The following EDN3 variants were observed in gnomAD, a reference collection of about 807,000 sequenced individuals.
EDN3 encodes endothelin 3.
EDN3 carries 9 observed loss-of-function variants against 21.4 expected under a neutral mutation model. That is an observed-to-expected ratio of 0.42 (90% confidence interval 0.25 to 0.73). The LOEUF (loss-of-function observed/expected upper bound fraction) is 0.73. Among genes scored for constraint, EDN3 ranks in the 30% least tolerant of loss-of-function variants. The pLI, the probability that EDN3 is intolerant of heterozygous loss-of-function variation, is 0.26. For missense variants in EDN3, 327 were observed against 309.4 expected, an observed-to-expected ratio of 1.06 and a Z score of -0.43; for synonymous variants, 133 against 126.2, an observed-to-expected ratio of 1.05 and a Z score of -0.36.
At chr20:59,308,509 C>G (rs1475520029) in intron 2 of EDN3, among the ~76,000 whole-genome samples, 1 of 152,202 alleles carries the variant, frequency 6.6e-6, no homozygotes, top group Admixed American at 6.5e-5. Flanking sequence ...AGAGCTCAAA[C>G]TGTGGGCTCG....
At chr20:59,316,422 T>C (rs576673745) in intron 2 of EDN3, among the ~76,000 whole-genome samples, 53 of 152,348 alleles carry the variant, frequency 3.5e-4, no homozygotes, top group Non-Finnish European at 5.9e-4. Context: ...GGGTTTTCAA[T>C]AGGGAATGAC....
rs768226122 is a variant in EDN3, at chr20:59,301,663, C to G, written c.306C>G (p.Tyr102Ter). Reference protein sequence around the residue: ...HRSRRCTCFTYKDKECVYYCH... With the variant: ...HRSRRCTCFT The stretch of plus-strand genomic sequence containing the variant: ...CCAGGCGCTGCACGTGCTTCACCTA[C>G]AAGGACAAGGAGTGTGTCTACTATT... Residue 102 changes from tyrosine (Y) to a stop codon, truncating the protein, a stop_gained, in exon 2 of 5, where the codon TAC becomes TAG. Coordinates refer to ENST00000337938, the MANE Select transcript of EDN3 (RefSeq NM_207034.3). LOFTEE classifies it high-confidence loss of function. 3 of 1,614,114 alleles carry G rather than the reference C, an allele frequency of 1.9e-6. No individual in the cohort carries two copies. The African/African-American group carries it at 4.0e-5, about 22-fold the overall frequency.
In EDN3 at chr20:59,324,718, G is replaced by A. The variant is rs1051847553; in HGVS notation, c.*259G>A. On this transcript the variant is annotated 3_prime_UTR_variant, in exon 5 of 5. Transcript: ENST00000337938. ...CAGCTCCGGTTTCATGCAGGAAATT[G>A]GTTTTGGAGAGTTTTGGCAAGTTGG... The A allele has an allele frequency of 3.7e-6, 2 of 538,932 alleles. No individual in the cohort carries two copies. The highest frequency in any genetic ancestry group is 3.3e-6 in the Non-Finnish European group (1 of 301,570). 33.4% of individuals were successfully genotyped at this position (538,932 alleles called of 1,614,324 possible).
At chr20:59,316,656 T>C (rs1990206603) in intron 2 of EDN3, among the ~76,000 whole-genome samples, 1 of 152,230 alleles carries the variant, frequency 6.6e-6, no homozygotes, top group Admixed American at 6.5e-5. Flanking sequence ...GTTTTCAGTG[T>C]GGTGTTGCAG....
rs538768879 is a variant in EDN3 at position 59,324,540 on chromosome 20, A to C, written c.*81A>C. ...AGTTCAGATTTCCACCTCTTTATAGACAAGAAGTGAATTTGCCTGGGGCAG... is the reference window on the plus strand; with the variant it reads ...AGTTCAGATTTCCACCTCTTTATAGCCAAGAAGTGAATTTGCCTGGGGCAG... On this transcript the variant is annotated 3_prime_UTR_variant, in exon 5 of 5. Coordinates refer to ENST00000337938, the MANE Select transcript of EDN3 (RefSeq NM_207034.3). 1.1e-5 allele frequency: 18 copies of C among 1,597,530 alleles called. No homozygotes were observed. The East Asian group carries it at 4.0e-4, about 36-fold the overall frequency.
rs764393299 is a variant in EDN3 at position 59,325,360 on chromosome 20, G to A, written c.*901G>A. On this transcript the variant is annotated 3_prime_UTR_variant, in exon 5 of 5. Coordinates refer to ENST00000337938, the MANE Select transcript of EDN3 (RefSeq NM_207034.3). The stretch of plus-strand genomic sequence containing the variant: ...TGTAAATTCCTGTTTATATAAATTG[G>A]CAACAACTTATACCGTCTGACAGTT... The A allele has an allele frequency of 3.9e-5, 6 of 152,532 alleles. No homozygotes were observed. Among genetic ancestry groups the A allele is most frequent in the Non-Finnish European group, 7.4e-5 (5 of 68,016 alleles). The allele number at this position is 152,532 out of a possible 1,614,324, so 9.4% of individuals were successfully genotyped here. A position where few individuals can be genotyped will look rare whatever the true frequency, so the allele number is the denominator to read the frequency against.
intron 1 of EDN3, 91 bp downstream of exon 1, chr20:59,300,955 C>A: frequency 3.4e-6 from 5 of 1,463,230 alleles, no homozygotes; most frequent in South Asian, 2.4e-5. Context: ...AGATGTGCGT[C>A]GCGGGGAGCA....
chr20:59,317,491 A>G (rs991651253), intron 2 of EDN3, among the ~76,000 whole-genome samples: 3 of 152,190 alleles, frequency 2.0e-5, no homozygotes, highest in African/African-American at 7.2e-5. Context: ...ACTTTTGTCG[A>G]CCAGGAAGTT....
chr20:59,306,595 TAAAA>T (rs57144708), intron 2 of EDN3, among the ~76,000 whole-genome samples: 6 of 62,458 alleles, frequency 9.6e-5, no homozygotes, highest in African/African-American at 8.3e-5. Context: ...GCATAAAGAG[TAAAA>T]AAAAAAAAAA....
chr20:59,320,554 T>C (rs1335472605), intron 2 of EDN3, among the ~76,000 whole-genome samples: 1 of 152,184 alleles, frequency 6.6e-6, no homozygotes, highest in Non-Finnish European at 1.5e-5. Flanking sequence ...AGATGGTACT[T>C]CCAGAGCCGA....
Position 59,322,753 on chromosome 20 carries a change from G to T in EDN3, c.588+336G>T, listed in dbSNP as rs773785109. ...GCCTGGACAAAGCTAGTCAACCACC[G>T]CTCTCAGAGGCCCTGTAGGCTGCTC... On this transcript the variant is annotated intron_variant, in intron 4 of 4. Transcript: ENST00000337938. The surrounding 1 kb of genome is among the most constrained non-coding windows in gnomAD (Gnocchi z 4.1). Among the ~76,000 whole-genome samples the T allele has an allele frequency of 7.9e-5, 12 of 152,160 alleles. No individual in the cohort carries two copies. Among genetic ancestry groups the T allele is most frequent in the African/African-American group, 2.4e-4 (10 of 41,428 alleles).
chr20:59,303,348 G>A (rs185775789), intron 2 of EDN3, among the ~76,000 whole-genome samples: 113 of 152,316 alleles, frequency 7.4e-4, no homozygotes, highest in African/African-American at 2.4e-3. Flanking sequence ...AGCGAGGGGA[G>A]TCACCTTTCC....
intron 2 of EDN3, among the ~76,000 whole-genome samples, chr20:59,318,791 G>A (rs941715460): frequency 2.0e-5 from 3 of 152,196 alleles, no homozygotes. Context: ...GAGTGTTTTG[G>A]CTCAAGTTGA....
Position 59,310,862 on chromosome 20 carries a change from A to G in EDN3, c.365+9140A>G, listed in dbSNP as rs11570299. ...TTTGCCGAGAGTCAGAAGCAACTAC[A>G]TGAGACAGCAGAGGTCCATGTAACT... On this transcript the variant is annotated intron_variant, in intron 2 of 4. Coordinates refer to ENST00000337938, the MANE Select transcript of EDN3 (RefSeq NM_207034.3). 4.8e-3 allele frequency among the ~76,000 whole-genome samples: 724 copies of G among 152,188 alleles called. 23 individuals are homozygous for G. The highest frequency in any genetic ancestry group is 0.042 in the Admixed American group (648 of 15,290).
At position 59,322,506 on chromosome 20, in the gene EDN3, G is replaced by T. The variant is rs1011440459; in HGVS notation, c.588+89G>T. 1.3e-6 allele frequency: 2 copies of T among 1,560,852 alleles called. No homozygotes were observed. The highest frequency in any genetic ancestry group is 1.8e-6 in the Non-Finnish European group (2 of 1,134,276). On this transcript the variant is annotated intron_variant, in intron 4 of 4. Coordinates refer to ENST00000337938, the MANE Select transcript of EDN3 (RefSeq NM_207034.3). This position sits in a 1 kb window ranked among gnomAD's most constrained non-coding sequence, Gnocchi z 4.1. ...GGGTGGGTGGAGGGTGTTTTGAGGG[G>T]ATGGCATCTGGTCTGGTCCAGTGGG...
chr20:59,310,439 G>A (rs756429647), intron 2 of EDN3, among the ~76,000 whole-genome samples: 6 of 152,136 alleles, frequency 3.9e-5, no homozygotes, highest in African/African-American at 1.2e-4. Flanking sequence ...TTGTTTGTCC[G>A]CATAGTTTTG....
In EDN3 at chr20:59,322,559, C is replaced by G. The variant is rs1990616921; in HGVS notation, c.588+142C>G. On this transcript the variant is annotated intron_variant, in intron 4 of 4. Coordinates refer to ENST00000337938, the MANE Select transcript of EDN3 (RefSeq NM_207034.3). This position sits in a 1 kb window ranked among gnomAD's most constrained non-coding sequence, Gnocchi z 4.1. Reference sequence around the variant, plus strand: ...CCCCAGATCTCATGGGATGCTGCACCCACAAGCAATGGTGCCTTTGGTGGA... The same window carrying G: ...CCCCAGATCTCATGGGATGCTGCACGCACAAGCAATGGTGCCTTTGGTGGA... 8.7e-7 allele frequency: 1 copy of G among 1,149,684 alleles called. No homozygotes were observed. Among genetic ancestry groups the G allele is most frequent in the Non-Finnish European group, 1.3e-6 (1 of 776,482 alleles). The allele number at this position is 1,149,684 out of a possible 1,614,324, so 71.2% of individuals were successfully genotyped here. A position where few individuals can be genotyped will look rare whatever the true frequency, so the allele number is the denominator to read the frequency against.
At position 59,303,403 on chromosome 20, in the gene EDN3, T is replaced by C. The variant is rs956253399; in HGVS notation, c.365+1681T>C. Among the ~76,000 whole-genome samples the C allele has an allele frequency of 3.9e-5, 6 of 152,342 alleles. No homozygotes were observed. The East Asian group carries it at 1.2e-3, about 29-fold the overall frequency. ...GCACTGCCCTTTCTGATTCTTATCC[T>C]GCATCATTGTGCTCTGATCAAATTC... On this transcript the variant is annotated intron_variant, in intron 2 of 4. Coordinates refer to ENST00000337938, the MANE Select transcript of EDN3 (RefSeq NM_207034.3).
In EDN3 at chr20:59,300,715, G is replaced by A; in HGVS notation, c.-98G>A. The A allele has an allele frequency of 1.5e-6, 2 of 1,340,744 alleles. No individual in the cohort carries two copies. The highest frequency in any genetic ancestry group is 1.3e-5 in the South Asian group (1 of 79,848). 83.1% of individuals were successfully genotyped at this position (1,340,744 alleles called of 1,614,324 possible). A position where few individuals can be genotyped will look rare whatever the true frequency, so the allele number is the denominator to read the frequency against. ...GATCGGCCGGCCTCGAACCCCCACA[G>A]CTGGAGGGCGAGGCCAGCTGTACCC... On this transcript the variant is annotated 5_prime_UTR_variant, in exon 1 of 5. Transcript: ENST00000337938.
Sources: allele counts gnomAD v4.1 joint callset (sites outside exome capture counted in the v4.1 genomes callset), GRCh38; gene constraint gnomAD v4.1.1; non-coding constraint Gnocchi (gnomAD v3.1); transcripts MANE v1.5; gene names NCBI Gene and HGNC (gene_info 2026-07-23, HGNC 2026-07-21).